Variants in KCND3 observed in about 807,000 individuals in gnomAD.
KCND3 encodes potassium voltage-gated channel subfamily D member 3.
KCND3 carries 9 observed loss-of-function variants against 51.1 expected under a neutral mutation model. The ratio of observed to expected loss-of-function variants is 0.18; its 90% CI spans 0.11 to 0.31. The LOEUF (loss-of-function observed/expected upper bound fraction) is 0.31. KCND3 is among the 10% of genes least tolerant of loss of function. The pLI is 1.00. For missense variants in KCND3, 526 were observed against 903.8 expected, an observed-to-expected ratio of 0.58 and a Z score of 5.36; for synonymous variants, 349 against 368.0, an observed-to-expected ratio of 0.95 and a Z score of 0.59.
At chr1:111,887,456 A>G (rs1349727797) in intron 2 of KCND3, among the ~76,000 whole-genome samples, 2 of 152,164 alleles carry the variant, frequency 1.3e-5, no homozygotes, top group African/African-American at 2.4e-5. Context: ...GAGAAAAAAT[A>G]TCTAAGGCTT....
At chr1:111,859,501 GC>G (rs1668240145) in intron 2 of KCND3, among the ~76,000 whole-genome samples, 1 of 152,222 alleles carries the variant, frequency 6.6e-6, no homozygotes, top group South Asian at 2.1e-4. Context: ...GGCCCAGAAG[GC>G]AAAAGGAGTC....
At chr1:111,928,597 A>T (rs1007324309) in intron 2 of KCND3, among the ~76,000 whole-genome samples, 1 of 152,170 alleles carries the variant, frequency 6.6e-6, no homozygotes, top group Non-Finnish European at 1.5e-5. Context: ...ATGAACTTTC[A>T]CTCTCTGGGC....
At position 111,773,867 on chromosome 1, in the gene KCND3, G is replaced by A. The variant is rs1664010378; in HGVS notation, c.*2210C>T. The A allele has an allele frequency of 6.6e-6, 1 of 152,072 alleles. No homozygotes were observed. Among genetic ancestry groups the A allele is most frequent in the South Asian group, 2.1e-4 (1 of 4,826 alleles). 9.4% of individuals were successfully genotyped at this position (152,072 alleles called of 1,614,324 possible). On this transcript the variant is annotated 3_prime_UTR_variant, in exon 8 of 8. Transcript: ENST00000302127. ...TTGCCCGCCCTCTAAGTGAAGTTTA[G>A]CTTGGTCTTCTAATGAGATGTGTAT...
intron 2 of KCND3, among the ~76,000 whole-genome samples, chr1:111,960,318 T>C (rs1360867622): frequency 6.6e-6 from 1 of 152,210 alleles, no homozygotes; most frequent in Non-Finnish European, 1.5e-5. Flanking sequence ...GGGCTTGGAA[T>C]CTGGGCCCCC....
intron 2 of KCND3, among the ~76,000 whole-genome samples, chr1:111,975,941 G>A (rs1674602322): frequency 6.6e-6 from 1 of 152,120 alleles, no homozygotes; most frequent in Non-Finnish European, 1.5e-5. Context: ...GGCCCTTCTT[G>A]ACATCCTAAC....
rs987239823 is a variant in KCND3, at chr1:111,968,988, T to C, written c.1106+12633A>G. The stretch of plus-strand genomic sequence containing the variant: ...TATTATAAAAGATATTTACATAGTA[T>C]GCATATTTACCCTCTCAGGCTTTTT... On this transcript the variant is annotated intron_variant, in intron 2 of 7. Transcript: ENST00000302127. Among the ~76,000 whole-genome samples the C allele has an allele frequency of 2.0e-5, 3 of 152,120 alleles. No homozygotes were observed. In the East Asian group the frequency reaches 5.8e-4, roughly 29 times the overall value.
At chr1:111,779,017 G>A (rs1348338868) in intron 5 of KCND3, among the ~76,000 whole-genome samples, 1 of 152,130 alleles carries the variant, frequency 6.6e-6, no homozygotes, top group Non-Finnish European at 1.5e-5. Context: ...CTATCCCTTT[G>A]GCAAGCTCAG....
intron 2 of KCND3, among the ~76,000 whole-genome samples, chr1:111,866,938 G>A (rs931033010): frequency 6.6e-6 from 1 of 152,114 alleles, no homozygotes; most frequent in Non-Finnish European, 1.5e-5. Flanking sequence ...CATTTGAAGG[G>A]CACTGTGATC....
intron 2 of KCND3, among the ~76,000 whole-genome samples, chr1:111,835,731 CT>C (rs1362264078): frequency 6.6e-6 from 1 of 152,206 alleles, no homozygotes; most frequent in Non-Finnish European, 1.5e-5. Context: ...CATCCCTGCC[CT>C]TTTCCCAGAA....
At chr1:111,978,549 C>T (rs1674769048) in intron 2 of KCND3, among the ~76,000 whole-genome samples, 1 of 152,166 alleles carries the variant, frequency 6.6e-6, no homozygotes. Context: ...AGAAACTAGC[C>T]ATGGAAGAGG....
intron 2 of KCND3, among the ~76,000 whole-genome samples, chr1:111,801,642 G>C (rs1475266395): frequency 6.6e-6 from 1 of 152,146 alleles, no homozygotes; most frequent in African/African-American, 2.4e-5. Context: ...CCAATATATG[G>C]CCACCAGGTG....
intron 2 of KCND3, among the ~76,000 whole-genome samples, chr1:111,802,380 G>A (rs575172746): frequency 6.6e-6 from 1 of 152,328 alleles, no homozygotes; most frequent in Admixed American, 6.5e-5. Flanking sequence ...CCCCGCTCTG[G>A]CAGGCCCTAA....
At chr1:111,904,697 G>A (rs1288326272) in intron 2 of KCND3, among the ~76,000 whole-genome samples, 1 of 152,176 alleles carries the variant, frequency 6.6e-6, no homozygotes, top group Non-Finnish European at 1.5e-5. Flanking sequence ...GCTTGGTGGC[G>A]ACGGCAAGCT....
intron 2 of KCND3, among the ~76,000 whole-genome samples, chr1:111,934,295 G>C (rs1275574014): frequency 6.6e-6 from 1 of 152,144 alleles, no homozygotes; most frequent in Non-Finnish European, 1.5e-5. Flanking sequence ...TCCATCTCTG[G>C]CCTCATGACA....
intron 2 of KCND3, among the ~76,000 whole-genome samples, chr1:111,888,082 C>T (rs1669650133): frequency 6.6e-6 from 1 of 152,186 alleles, no homozygotes; most frequent in South Asian, 2.1e-4. Flanking sequence ...GGCAGAGGAG[C>T]TGGGAGGGCA....
intron 2 of KCND3, among the ~76,000 whole-genome samples, chr1:111,863,973 T>G (rs1345802554): frequency 1.3e-5 from 2 of 150,842 alleles, no homozygotes; most frequent in African/African-American, 4.9e-5. Context: ...AGGAGTGAGG[T>G]GGGAAGGAAA....
chr1:111,805,378 C>T (rs2101557996), intron 2 of KCND3, among the ~76,000 whole-genome samples: 1 of 152,236 alleles, frequency 6.6e-6, no homozygotes, highest in South Asian at 2.1e-4. Context: ...CCTGGGTGGG[C>T]ACCTGGGCCA....
At chr1:111,929,228 G>A (rs189639044) in intron 2 of KCND3, among the ~76,000 whole-genome samples, 53 of 152,228 alleles carry the variant, frequency 3.5e-4, no homozygotes, top group African/African-American at 1.3e-3. Flanking sequence ...CACCACCTCG[G>A]TTCTCTGCTG....
At chr1:111,948,567 G>A (rs747453502) in intron 2 of KCND3, among the ~76,000 whole-genome samples, 3 of 152,174 alleles carry the variant, frequency 2.0e-5, no homozygotes, top group Non-Finnish European at 4.4e-5. Context: ...CTGGGTTGGA[G>A]AGAGTTCCTA....
Sources: gnomAD v4.1 joint callset for allele counts (sites outside exome capture counted in the v4.1 genomes callset) on GRCh38, gnomAD v4.1.1 for gene constraint, MANE v1.5 for transcripts, NCBI Gene and HGNC (gene_info 2026-07-23, HGNC 2026-07-21) for gene names.